The following TPH2 variants were observed in gnomAD, a reference collection of about 807,000 sequenced individuals.
TPH2 encodes tryptophan 5-hydroxylase 2.
Under a neutral mutation model 59.1 loss-of-function variants are expected in TPH2, and 27 were observed. The observed-to-expected ratio is 0.46, with a 90% confidence interval of 0.34 to 0.63. The LOEUF (loss-of-function observed/expected upper bound fraction) is 0.63, where lower values mean the gene tolerates loss of function less well. Among genes scored for constraint, TPH2 ranks in the 30% least tolerant of loss-of-function variants. TPH2 has a pLI of 0.01. For synonymous variants in TPH2, 220 were observed against 210.5 expected (o/e 1.05, Z -0.39); for missense variants, 523 against 588.3 (o/e 0.89, Z 1.15).
At chr12:72,018,521 A>C (rs978517621) in intron 8 of TPH2, among the ~76,000 whole-genome samples, 1 of 152,220 alleles carries the variant, frequency 6.6e-6, no homozygotes, top group East Asian at 1.9e-4. Context: ...AAATGTGACC[A>C]TGAATTATGT....
intron 6 of TPH2, among the ~76,000 whole-genome samples, chr12:71,973,995 C>T (rs910476426): frequency 4.6e-5 from 7 of 152,190 alleles, no homozygotes; most frequent in Non-Finnish European, 7.4e-5. Context: ...CAAAGTTTCA[C>T]GGTGGTCCCG....
chr12:72,022,977 A>G (rs914820307), intron 9 of TPH2, among the ~76,000 whole-genome samples: 1 of 152,262 alleles, frequency 6.6e-6, no homozygotes, highest in African/African-American at 2.4e-5. Flanking sequence ...ATGTGTGGAC[A>G]TAAACAATTT....
chr12:72,009,096 G>C (rs768243831), intron 8 of TPH2, among the ~76,000 whole-genome samples: 1 of 152,156 alleles, frequency 6.6e-6, no homozygotes, highest in Non-Finnish European at 1.5e-5. Flanking sequence ...TTCTCTGGCA[G>C]TCAGATTGCT....
intron 5 of TPH2, among the ~76,000 whole-genome samples, chr12:71,955,678 A>G (rs1871474961): frequency 6.6e-6 from 1 of 152,222 alleles, no homozygotes; most frequent in Admixed American, 6.5e-5. Flanking sequence ...ATATAGTAAC[A>G]AAACTTAGAA....
intron 8 of TPH2, among the ~76,000 whole-genome samples, chr12:72,007,686 G>A (rs1168443481): frequency 6.6e-6 from 1 of 152,142 alleles, no homozygotes; most frequent in Non-Finnish European, 1.5e-5. Flanking sequence ...AATAAAACAA[G>A]GGGATGTACC....
chr12:71,962,760 C>A, intron 5 of TPH2: 1 of 903,306 alleles, frequency 1.1e-6, no homozygotes, highest in Non-Finnish European at 1.3e-6. Flanking sequence ...TATCTGTCAT[C>A]CAAGCTGAGG....
chr12:71,939,155 C>T, intron 1 of TPH2, 64 bp downstream of exon 1: 3 of 1,200,882 alleles, frequency 2.5e-6, no homozygotes, highest in African/African-American at 1.5e-5. Context: ...CTTCTCCTCA[C>T]CATATGAATC....
At chr12:71,959,572 A>G (rs1045860096) in intron 5 of TPH2, among the ~76,000 whole-genome samples, 2 of 152,174 alleles carry the variant, frequency 1.3e-5, no homozygotes, top group Non-Finnish European at 2.9e-5. Flanking sequence ...CTTTCCAGAA[A>G]TTTCAGTTGA....
intron 2 of TPH2, 127 bp from the exon 3 acceptor site, chr12:71,944,167 A>G: frequency 2.2e-6 from 2 of 925,614 alleles, no homozygotes; most frequent in Middle Eastern, 2.2e-4. Context: ...TTATTCAAAG[A>G]ACAAAGAGAT....
chr12:71,941,428 A>C, intron 1 of TPH2, 156 bp from the exon 2 acceptor site: 1 of 363,364 alleles, frequency 2.8e-6, no homozygotes, highest in Non-Finnish European at 3.8e-6. Context: ...AATATTTATG[A>C]CTGAAAGTTA....
chr12:71,966,261 T>A (rs1241249954), intron 5 of TPH2, among the ~76,000 whole-genome samples: 3 of 151,530 alleles, frequency 2.0e-5, no homozygotes, highest in East Asian at 1.9e-4. Context: ...TTTTTTTTTT[T>A]AAAGGATTCT....
rs182271001 is a variant in TPH2 at position 72,019,820 on chromosome 12, G to A, written c.1069-2579G>A. 1.4e-4 allele frequency among the ~76,000 whole-genome samples: 21 copies of A among 152,288 alleles called. No individual in the cohort carries two copies. The East Asian group carries it at 3.7e-3, about 27-fold the overall frequency. On this transcript the variant is annotated intron_variant, in intron 8 of 10. Coordinates refer to ENST00000333850, the MANE Select transcript of TPH2 (RefSeq NM_173353.4). ...TTGTAGAATAGGTGAATGAATGAGTGGATGGATGTCACAGAATAGATGAAT... is the reference window on the plus strand; with the variant it reads ...TTGTAGAATAGGTGAATGAATGAGTAGATGGATGTCACAGAATAGATGAAT...
chr12:71,951,110 C>T (rs1315778411), intron 5 of TPH2, among the ~76,000 whole-genome samples: 1 of 152,186 alleles, frequency 6.6e-6, no homozygotes, highest in Non-Finnish European at 1.5e-5. Flanking sequence ...TGTCAGCATG[C>T]ACTTGCCCTA....
intron 8 of TPH2, among the ~76,000 whole-genome samples, chr12:72,018,718 A>G (rs572547855): frequency 2.0e-5 from 3 of 152,294 alleles, no homozygotes; most frequent in African/African-American, 7.2e-5. Context: ...GTGCAATATA[A>G]ATTAGGAAAA....
At chr12:71,952,336 C>T (rs1213531785) in intron 5 of TPH2, among the ~76,000 whole-genome samples, 2 of 152,130 alleles carry the variant, frequency 1.3e-5, no homozygotes, top group Admixed American at 6.5e-5. Context: ...GGAGCTGGGG[C>T]ATTCCAGGAT....
rs1566107588 is a variant in TPH2, at chr12:71,939,214, T to A, written c.105+123T>A. 5.2e-6 allele frequency: 4 copies of A among 764,738 alleles called. No individual in the cohort carries two copies. The Middle Eastern group carries it at 6.7e-4, about 127-fold the overall frequency. The allele number at this position is 764,738 out of a possible 1,614,324, so 47.4% of individuals were successfully genotyped here. A position where few individuals can be genotyped will look rare whatever the true frequency, so the allele number is the denominator to read the frequency against. On this transcript the variant is annotated intron_variant, in intron 1 of 10. Coordinates refer to ENST00000333850, the MANE Select transcript of TPH2 (RefSeq NM_173353.4). ...ACCTCAAATTTCTCCTTCTTTATAA[T>A]CTGTCTACCCTGCTTTCCTCCTGTC...
chr12:71,944,235 C>T, intron 2 of TPH2, 59 bp from the exon 3 acceptor site: 2 of 1,581,080 alleles, frequency 1.3e-6, no homozygotes, highest in Admixed American at 3.3e-5. Flanking sequence ...ACAAGAAAAG[C>T]TCATGGCATT....
At chr12:72,012,854 T>G (rs1873136996) in intron 8 of TPH2, among the ~76,000 whole-genome samples, 1 of 152,156 alleles carries the variant, frequency 6.6e-6, no homozygotes, top group Non-Finnish European at 1.5e-5. Context: ...GAAGTAGTGT[T>G]AAATAAGAAG....
At chr12:71,947,552 A>T (rs1475185354) in intron 4 of TPH2, among the ~76,000 whole-genome samples, 1 of 151,700 alleles carries the variant, frequency 6.6e-6, no homozygotes, top group East Asian at 1.9e-4. Context: ...AATACTTGGA[A>T]CATATTTATA....
Sources: gnomAD v4.1 joint callset for allele counts (sites outside exome capture counted in the v4.1 genomes callset) on GRCh38, gnomAD v4.1.1 for gene constraint, MANE v1.5 for transcripts, NCBI Gene and HGNC (gene_info 2026-07-23, HGNC 2026-07-21) for gene names.